Variants in NECTIN3 observed in about 807,000 individuals in gnomAD.
NECTIN3 encodes nectin-3.
In NECTIN3, 8 loss-of-function variants were observed where a neutral mutation model predicts 49.4. That is an observed-to-expected ratio of 0.16 (90% CI 0.10 to 0.29). The LOEUF (loss-of-function observed/expected upper bound fraction) is 0.29. NECTIN3 is among the 10% of genes least tolerant of loss of function. The pLI is 1.00. For synonymous variants in NECTIN3, 277 were observed against 241.1 expected (o/e 1.15, Z -1.38); for missense variants, 581 against 654.6 (o/e 0.89, Z 1.23).
intron 1 of NECTIN3, among the ~76,000 whole-genome samples, chr3:111,100,489 T>C (rs1010066498): frequency 1.3e-5 from 2 of 152,122 alleles, no homozygotes; most frequent in Non-Finnish European, 2.9e-5. Flanking sequence ...ATGAATTTTG[T>C]GTTTAGGCTT....
chr3:111,147,538 T>C (rs2034904250), intron 7 of NECTIN3: 11 of 1,347,536 alleles, frequency 8.2e-6, no homozygotes, highest in East Asian at 2.5e-5. Flanking sequence ...TAAAAAATAC[T>C]AAGCCATTTG....
downstream of NECTIN3, among the ~76,000 whole-genome samples, chr3:111,140,575 G>A (rs982533071): frequency 2.6e-5 from 4 of 151,796 alleles, no homozygotes. Flanking sequence ...ATGTAGATTA[G>A]CACTGATATC....
At chr3:111,139,157 TAAA>T (rs1156387221), downstream of NECTIN3, among the ~76,000 whole-genome samples, 1 of 151,644 alleles carries the variant, frequency 6.6e-6, no homozygotes, top group African/African-American at 2.4e-5. Flanking sequence ...CTTTGAAAAA[TAAA>T]AGACCTTTTT....
At chr3:111,176,225 A>G (rs910717408) in intron 7 of NECTIN3, among the ~76,000 whole-genome samples, 7 of 152,230 alleles carry the variant, frequency 4.6e-5, no homozygotes, top group African/African-American at 1.4e-4. Flanking sequence ...TTAAATAGTG[A>G]CACTGTAGGG....
At chr3:111,147,617 GTTGTTTAGTCATTATGCATTAAAGA>G (rs2034906467) in intron 7 of NECTIN3, 16 of 777,214 alleles carry the variant, frequency 2.1e-5, no homozygotes, top group Non-Finnish European at 3.2e-5. Flanking sequence ...TGCATTAAAT[GTTGTTTAGTCATTATGCATTAAAGA>G]TTACATAGCA....
At chr3:111,144,256 C>G (rs374253219) in intron 5 of NECTIN3, among the ~76,000 whole-genome samples, 1 of 151,874 alleles carries the variant, frequency 6.6e-6, no homozygotes, top group Non-Finnish European at 1.5e-5. Flanking sequence ...TGACATATGT[C>G]TATGGCCAGG....
At chr3:111,185,822 GAA>G (rs1392920157) in intron 7 of NECTIN3, among the ~76,000 whole-genome samples, 1 of 152,128 alleles carries the variant, frequency 6.6e-6, no homozygotes, top group African/African-American at 2.4e-5. Context: ...GGTGGGTAAA[GAA>G]AAGAGACAAT....
chr3:111,140,138 T>C (rs2034706003), downstream of NECTIN3, among the ~76,000 whole-genome samples: 2 of 151,902 alleles, frequency 1.3e-5, no homozygotes, highest in African/African-American at 4.8e-5. Flanking sequence ...TAGATTCAAA[T>C]GGAAGAAGTA....
chr3:111,123,989 C>T (rs1044103279), intron 4 of NECTIN3, among the ~76,000 whole-genome samples: 2 of 152,114 alleles, frequency 1.3e-5, no homozygotes, highest in Non-Finnish European at 2.9e-5. Context: ...CTCCTGTTTT[C>T]TCCTCTAGGG....
chr3:111,162,040 C>G (rs1027211576), intron 7 of NECTIN3, among the ~76,000 whole-genome samples: 48 of 152,104 alleles, frequency 3.2e-4, no homozygotes, highest in Non-Finnish European at 6.3e-4. Flanking sequence ...ACATTATGAT[C>G]CTTCCATTCT....
chr3:111,139,588 C>T (rs568861847), downstream of NECTIN3, among the ~76,000 whole-genome samples: 103 of 151,796 alleles, frequency 6.8e-4, no homozygotes, highest in South Asian at 8.5e-3. Flanking sequence ...ATATTAGCTG[C>T]CATTTGGTGC....
intron 4 of NECTIN3, among the ~76,000 whole-genome samples, chr3:111,122,667 AATGTTACTAAG>A (rs1405181217): frequency 6.6e-6 from 1 of 152,144 alleles, no homozygotes. Context: ...AGGACAGGTA[AATGTTACTAAG>A]AGCTAAGTAG....
At chr3:111,089,004 AGATT>A (rs1366385046) in intron 1 of NECTIN3, among the ~76,000 whole-genome samples, 2 of 151,968 alleles carry the variant, frequency 1.3e-5, no homozygotes, top group East Asian at 2.0e-4. Context: ...AGTACTAGTC[AGATT>A]GATTGTGTCA....
chr3:111,090,127 G>A (rs1326013987), intron 1 of NECTIN3, among the ~76,000 whole-genome samples: 1 of 151,924 alleles, frequency 6.6e-6, no homozygotes, highest in Non-Finnish European at 1.5e-5. Context: ...ATCTTTCTGT[G>A]TCCTTAAATT....
At chr3:111,171,779 TAA>T (rs1463693898) in intron 7 of NECTIN3, among the ~76,000 whole-genome samples, 1 of 152,032 alleles carries the variant, frequency 6.6e-6, no homozygotes, top group African/African-American at 2.4e-5. Flanking sequence ...AAAAAAAAAT[TAA>T]GTTACAATGT....
chr3:111,106,856 A>G (rs995081555), intron 1 of NECTIN3, among the ~76,000 whole-genome samples: 1 of 152,108 alleles, frequency 6.6e-6, no homozygotes, highest in Non-Finnish European at 1.5e-5. Flanking sequence ...TTGCATACCC[A>G]TTGTGTAGAT....
chr3:111,136,099 A>C lies in NECTIN3; in HGVS notation c.*1884A>C. 1.0e-6 allele frequency: 1 copy of C among 983,888 alleles called. No individual in the cohort carries two copies. The highest frequency in any genetic ancestry group is 1.7e-5 in the African/African-American group (1 of 57,258). The allele number at this position is 983,888 out of a possible 1,614,324, so 60.9% of individuals were successfully genotyped here. A position where few individuals can be genotyped will look rare whatever the true frequency, so the allele number is the denominator to read the frequency against. On this transcript the variant is annotated 3_prime_UTR_variant, in exon 6 of 6. Coordinates refer to ENST00000485303, the MANE Select transcript of NECTIN3 (RefSeq NM_015480.3). ...AAACGATGAGGTGGCCAGAAGAAAG[A>C]TGGGTCTAAAATTTCTCCCCATGAA... is the stretch of plus-strand genomic sequence containing the variant.
intron 1 of NECTIN3, among the ~76,000 whole-genome samples, chr3:111,098,082 T>G (rs1664583688): frequency 6.6e-6 from 1 of 152,188 alleles, no homozygotes; most frequent in African/African-American, 2.4e-5. Context: ...CTATTGAGTT[T>G]ATAATTATCC....
At chr3:111,124,735 C>T (rs1344761531) in intron 4 of NECTIN3, among the ~76,000 whole-genome samples, 1 of 152,068 alleles carries the variant, frequency 6.6e-6, no homozygotes, top group Non-Finnish European at 1.5e-5. Flanking sequence ...ATTATTCTAT[C>T]TGTTCTTCAG....
Sources: gnomAD v4.1 joint callset for allele counts (sites outside exome capture counted in the v4.1 genomes callset) on GRCh38, gnomAD v4.1.1 for gene constraint, MANE v1.5 for transcripts, NCBI Gene and HGNC (gene_info 2026-07-23, HGNC 2026-07-21) for gene names.